Variants in SLC15A5 observed in about 807,000 individuals in gnomAD.
SLC15A5 encodes Peptide/histidine transporter ENSP00000340402.
In SLC15A5, 58 loss-of-function variants were observed where a neutral mutation model predicts 56.1. The observed-to-expected ratio is 1.03, with a 90% CI of 0.84 to 1.29. The LOEUF is 1.29. Ranked by LOEUF, SLC15A5 falls within the 50% of genes most tolerant of loss-of-function variation. SLC15A5 has a pLI of 0.00. For missense variants in SLC15A5, 681 were observed against 672.1 expected, an observed-to-expected ratio of 1.01 and a Z score of -0.15; for synonymous variants, 264 against 250.5, an observed-to-expected ratio of 1.05 and a Z score of -0.51.
chr12:16,208,508 A>C (rs906635828), intron 7 of SLC15A5, among the ~76,000 whole-genome samples: 14 of 152,056 alleles, frequency 9.2e-5, no homozygotes, highest in Non-Finnish European at 1.5e-5. Flanking sequence ...CACATCTCTA[A>C]AACAATGCAA....
chr12:16,235,254 GTGTATATATATGTATA>G lies in SLC15A5; in HGVS notation c.1162+4411_1162+4426del, dbSNP rs1864339076. Reference sequence around the variant, plus strand: ...AACACGACATGTTATAAGTATATATGTGTATATATATGTATATGTATATATATGTATATATGTATAT... The same window carrying G: ...AACACGACATGTTATAAGTATATATGTGTATATATATGTATATATGTATAT... On this transcript the variant is annotated intron_variant, in intron 5 of 8. Transcript: ENST00000344941. The surrounding 1 kb of genome is among the most constrained non-coding windows in gnomAD (Gnocchi z 4.1). 9.6e-6 allele frequency among the ~76,000 whole-genome samples: 1 copy of G among 104,152 alleles called. No homozygotes were observed. The highest frequency in any genetic ancestry group is 3.5e-5 in the African/African-American group (1 of 28,588). The allele number at this position is 104,152 out of a possible 152,430, so 68.3% of individuals were successfully genotyped here.
intron 7 of SLC15A5, among the ~76,000 whole-genome samples, chr12:16,206,252 A>G (rs1165087443): frequency 1.3e-5 from 2 of 152,190 alleles, no homozygotes; most frequent in Non-Finnish European, 2.9e-5. Flanking sequence ...CTTACATATG[A>G]TGGGGCTACA....
chr12:16,247,479 G>T (rs552920459), intron 3 of SLC15A5, among the ~76,000 whole-genome samples: 1 of 152,226 alleles, frequency 6.6e-6, no homozygotes, highest in South Asian at 2.1e-4. Flanking sequence ...CTTTGTGGTG[G>T]GGGAGACCCT....
intron 1 of SLC15A5, among the ~76,000 whole-genome samples, chr12:16,272,998 T>G (rs1369335690): frequency 6.8e-6 from 1 of 148,128 alleles, no homozygotes; most frequent in African/African-American, 2.5e-5. Flanking sequence ...GAGTTTTAGG[T>G]TTTTTTTTTT....
rs549110873 is a variant in SLC15A5 at position 16,208,083 on chromosome 12, A to G, written c.1483+8810T>C. On this transcript the variant is annotated intron_variant, in intron 7 of 8. Coordinates refer to ENST00000344941, the MANE Select transcript of SLC15A5 (RefSeq NM_001170798.1). Reference sequence around the variant, plus strand: ...TGCTCTCACAGATGGCTCACTGCATACCTCATTAAAAAACATGGGGGGTGC... The same window carrying G: ...TGCTCTCACAGATGGCTCACTGCATGCCTCATTAAAAAACATGGGGGGTGC... Among the ~76,000 whole-genome samples, 7 of 137,686 alleles carry G rather than the reference A, an allele frequency of 5.1e-5. No homozygotes were observed. The East Asian group carries it at 1.6e-3, about 32-fold the overall frequency. The allele number at this position is 137,686 out of a possible 152,430, so 90.3% of individuals were successfully genotyped here. A position where few individuals can be genotyped will look rare whatever the true frequency, so the allele number is the denominator to read the frequency against.
At position 16,258,580 on chromosome 12, in the gene SLC15A5, C is replaced by T. The variant is rs747518350; in HGVS notation, c.585-710G>A. 2.2e-4 allele frequency among the ~76,000 whole-genome samples: 34 copies of T among 152,190 alleles called. 1 individual carries two copies. The Middle Eastern group carries it at 0.01, about 46-fold the overall frequency. Reference sequence around the variant, plus strand: ...TAAAAAATTGACGTAAAATTAAATGCAATAAAATTTACTCATTTACATATA... The same window carrying T: ...TAAAAAATTGACGTAAAATTAAATGTAATAAAATTTACTCATTTACATATA... On this transcript the variant is annotated intron_variant, in intron 2 of 8. Transcript: ENST00000344941.
intron 7 of SLC15A5, among the ~76,000 whole-genome samples, chr12:16,211,820 C>G (rs1646678661): frequency 6.6e-6 from 1 of 152,188 alleles, no homozygotes; most frequent in South Asian, 2.1e-4. Flanking sequence ...GATCAGTTTT[C>G]TCACTTGTAC....
At chr12:16,275,051 G>A (rs1006393975) in intron 1 of SLC15A5, among the ~76,000 whole-genome samples, 15 of 152,062 alleles carry the variant, frequency 9.9e-5, no homozygotes, top group African/African-American at 3.6e-4. Context: ...ATGGGGGTCC[G>A]CTGAAGGAAA....
chr12:16,242,272 C>T (rs1470375168), intron 4 of SLC15A5, among the ~76,000 whole-genome samples: 1 of 148,362 alleles, frequency 6.7e-6, no homozygotes, highest in African/African-American at 2.5e-5. Context: ...GGAAATTCCT[C>T]TGCCTCCCTG....
chr12:16,248,647 A>G (rs1864487935), intron 3 of SLC15A5, among the ~76,000 whole-genome samples: 1 of 152,136 alleles, frequency 6.6e-6, no homozygotes, highest in South Asian at 2.1e-4. Flanking sequence ...TACCTGTTGA[A>G]AACATTTACA....
chr12:16,237,019 T>A lies in SLC15A5; in HGVS notation c.1162+2662A>T, dbSNP rs1864358566. Among the ~76,000 whole-genome samples the A allele has an allele frequency of 6.6e-6, 1 of 152,212 alleles. No individual in the cohort carries two copies. Among genetic ancestry groups the A allele is most frequent in the South Asian group, 2.1e-4 (1 of 4,832 alleles). On this transcript the variant is annotated intron_variant, in intron 5 of 8. Coordinates refer to ENST00000344941, the MANE Select transcript of SLC15A5 (RefSeq NM_001170798.1). This position sits in a 1 kb window ranked among gnomAD's most constrained non-coding sequence, Gnocchi z 4.1. ...TGATGGTTTATCATGAGATTAAATG[T>A]AATATGTGTATGAAGGTTCCTAAAT...
Position 16,189,451 on chromosome 12 carries a change from ATTATT to A in SLC15A5, c.*212_*216del, listed in dbSNP as rs1214578127. 2 of 341,164 alleles carry A rather than the reference ATTATT, an allele frequency of 5.9e-6. No individual in the cohort carries two copies. Among genetic ancestry groups the A allele is most frequent in the Non-Finnish European group, 1.0e-5 (2 of 200,894 alleles). The allele number at this position is 341,164 out of a possible 1,614,324, so 21.1% of individuals were successfully genotyped here. A position where few individuals can be genotyped will look rare whatever the true frequency, so the allele number is the denominator to read the frequency against. On this transcript the variant is annotated 3_prime_UTR_variant, in exon 9 of 9. Transcript: ENST00000344941. Reference sequence around the variant, plus strand: ...ATAGAGTAATCACTGAGACTTTGAAATTATTTTATTAATTCTAATGCTATAACATG... The same window carrying A: ...ATAGAGTAATCACTGAGACTTTGAAATTATTAATTCTAATGCTATAACATG...
intron 5 of SLC15A5, among the ~76,000 whole-genome samples, chr12:16,225,147 T>G (rs1322516131): frequency 6.6e-6 from 1 of 152,188 alleles, no homozygotes; most frequent in African/African-American, 2.4e-5. Context: ...TTTGGTTTGG[T>G]TCCAAGTCTT....
chr12:16,226,113 C>G (rs1335967866), intron 5 of SLC15A5, among the ~76,000 whole-genome samples: 12 of 152,308 alleles, frequency 7.9e-5, no homozygotes, highest in Middle Eastern at 3.4e-3. Context: ...TCCTGCTGCT[C>G]AAGTGTATTA....
chr12:16,260,598 T>A (rs1161255646), intron 2 of SLC15A5, among the ~76,000 whole-genome samples: 2 of 152,052 alleles, frequency 1.3e-5, no homozygotes, highest in Non-Finnish European at 2.9e-5. Context: ...TTTCTTATAA[T>A]CTGGGGTTTT....
intron 4 of SLC15A5, among the ~76,000 whole-genome samples, chr12:16,242,116 A>G (rs987141902): frequency 1.3e-5 from 2 of 152,208 alleles, no homozygotes; most frequent in African/African-American, 4.8e-5. Flanking sequence ...TTTTAGATGT[A>G]TGTCTTGCAA....
At position 16,193,780 on chromosome 12, in the gene SLC15A5, G is replaced by GGAGCGAGAGAGAGA. The variant is rs763515940; in HGVS notation, c.1592+564_1592+565insTCTCTCTCTCGCTC. 1.5e-3 allele frequency among the ~76,000 whole-genome samples: 113 copies of GGAGCGAGAGAGAGA among 75,772 alleles called. 25 individuals are homozygous for GGAGCGAGAGAGAGA. The Middle Eastern group carries it at 0.026, about 17-fold the overall frequency. 49.7% of individuals were successfully genotyped at this position (75,772 alleles called of 152,430 possible). A position where few individuals can be genotyped will look rare whatever the true frequency, so the allele number is the denominator to read the frequency against. On this transcript the variant is annotated intron_variant, in intron 8 of 8. Transcript: ENST00000344941. ...ACAGCTGTCCAAGAATATGTCAAGG[G>GGAGCGAGAGAGAGA]GAGAGAGAGAGAGAGAGAGAGAGAG... is the stretch of plus-strand genomic sequence containing the variant.
At chr12:16,251,290 A>G (rs1864516059) in intron 3 of SLC15A5, among the ~76,000 whole-genome samples, 1 of 151,928 alleles carries the variant, frequency 6.6e-6, no homozygotes, top group Non-Finnish European at 1.5e-5. Flanking sequence ...GGAACTAGAG[A>G]AAGAACAAAC....
chr12:16,217,924 A>G (rs1864146241), intron 6 of SLC15A5, among the ~76,000 whole-genome samples: 3 of 152,204 alleles, frequency 2.0e-5, no homozygotes, highest in Admixed American at 2.0e-4. Context: ...TTAAATTTTC[A>G]ATTAAAAATA....
Sources: allele counts gnomAD v4.1 joint callset (sites outside exome capture counted in the v4.1 genomes callset), GRCh38; gene constraint gnomAD v4.1.1; non-coding constraint Gnocchi (gnomAD v3.1); transcripts MANE v1.5; gene names NCBI Gene and HGNC (gene_info 2026-07-23, HGNC 2026-07-21).